CSMD1: variants seen among roughly 807,000 people sequenced by gnomAD.
The protein encoded by CSMD1 is CUB and sushi domain-containing protein 1.
In CSMD1, 213 loss-of-function variants were observed where a neutral mutation model predicts 417.5. That is an observed-to-expected ratio of 0.51 (90% CI 0.46 to 0.57). The LOEUF (loss-of-function observed/expected upper bound fraction) is 0.57, where lower values mean the gene tolerates loss of function less well. CSMD1 is among the 20% of genes least tolerant of loss of function. CSMD1 has a pLI of 0.00. For synonymous variants in CSMD1, 2,862 were observed against 1,736.8 expected (o/e 1.65, Z -16.11); for missense variants, 6,923 against 4,529.7 (o/e 1.53, Z -15.17).
chr8:3,520,445 A>G (rs7841088), intron 10 of CSMD1, among the ~76,000 whole-genome samples: 1,756 of 152,314 alleles, frequency 0.012, 31 homozygotes, highest in African/African-American at 0.04. Context: ...AAATAAAACA[A>G]TCTTAAAATA....
At chr8:3,144,775 G>C (rs888864493) in intron 40 of CSMD1, among the ~76,000 whole-genome samples, 3 of 138,370 alleles carry the variant, frequency 2.2e-5, no homozygotes, top group African/African-American at 7.9e-5. Context: ...AAGAAAAAAA[G>C]GGAGAGAAAG....
intron 5 of CSMD1, among the ~76,000 whole-genome samples, chr8:3,974,157 G>C (rs950144529): frequency 6.6e-6 from 1 of 152,044 alleles, no homozygotes; most frequent in African/African-American, 2.4e-5. Context: ...TACATGTACA[G>C]AGGCACTCGC....
At chr8:3,565,633 C>T (rs190968291) in intron 10 of CSMD1, among the ~76,000 whole-genome samples, 5 of 152,272 alleles carry the variant, frequency 3.3e-5, no homozygotes, top group Admixed American at 1.3e-4. Context: ...ACCATTGAAT[C>T]ATAAAAGAAG....
At chr8:3,247,643 A>T (rs1221731605) in intron 26 of CSMD1, among the ~76,000 whole-genome samples, 3 of 152,180 alleles carry the variant, frequency 2.0e-5, no homozygotes, top group African/African-American at 7.2e-5. Flanking sequence ...CTGGGTCAGC[A>T]GGCAAGGCCC....
At chr8:3,878,779 T>C (rs191884206) in intron 5 of CSMD1, among the ~76,000 whole-genome samples, 310 of 152,280 alleles carry the variant, frequency 2.0e-3, no homozygotes, top group African/African-American at 6.9e-3. Context: ...CCTGAGTTTG[T>C]GCAAACTTTG....
At chr8:3,828,294 A>G (rs1802170674) in intron 5 of CSMD1, among the ~76,000 whole-genome samples, 1 of 152,200 alleles carries the variant, frequency 6.6e-6, no homozygotes, top group African/African-American at 2.4e-5. Flanking sequence ...GCTTATTTTC[A>G]GTTTGGAACA....
chr8:2,937,975 G>A lies in CSMD1; in HGVS notation c.*610C>T, dbSNP rs1295234034. On this transcript the variant is annotated 3_prime_UTR_variant, in exon 70 of 70. Coordinates refer to ENST00000635120, the MANE Select transcript of CSMD1 (RefSeq NM_033225.6). Reference sequence around the variant, plus strand: ...ACATTCTGCGACAGAACAGCTGACTGGGAAATTGCAAACATCCCTAGAGAT... The same window carrying A: ...ACATTCTGCGACAGAACAGCTGACTAGGAAATTGCAAACATCCCTAGAGAT... The A allele has an allele frequency of 6.6e-6, 1 of 152,620 alleles. No individual in the cohort carries two copies. Among genetic ancestry groups the A allele is most frequent in the Non-Finnish European group, 1.5e-5 (1 of 68,058 alleles). 9.5% of individuals were successfully genotyped at this position (152,620 alleles called of 1,614,324 possible).
intron 7 of CSMD1, among the ~76,000 whole-genome samples, chr8:3,656,647 G>C (rs987421735): frequency 6.6e-6 from 1 of 152,124 alleles, no homozygotes; most frequent in Non-Finnish European, 1.5e-5. Context: ...AAGGCTTTAG[G>C]CCAGGCGTGG....
chr8:4,030,762 A>C (rs560902562), intron 4 of CSMD1, among the ~76,000 whole-genome samples: 1 of 152,166 alleles, frequency 6.6e-6, no homozygotes. Flanking sequence ...GTCAGACTGC[A>C]AAGTTCATGA....
intron 3 of CSMD1, among the ~76,000 whole-genome samples, chr8:4,315,115 C>G (rs779265011): frequency 2.6e-5 from 4 of 152,144 alleles, no homozygotes; most frequent in Non-Finnish European, 5.9e-5. Flanking sequence ...CTTCTTACAC[C>G]ATCGCAAGAG....
chr8:3,672,162 C>G (rs963416886), intron 7 of CSMD1, among the ~76,000 whole-genome samples: 1 of 152,130 alleles, frequency 6.6e-6, no homozygotes, highest in African/African-American at 2.4e-5. Flanking sequence ...AGTGTGAAAT[C>G]TCTTTATGGT....
intron 2 of CSMD1, among the ~76,000 whole-genome samples, chr8:4,534,503 G>A (rs749228177): frequency 2.0e-5 from 3 of 152,142 alleles, no homozygotes; most frequent in Non-Finnish European, 4.4e-5. Flanking sequence ...GCGGGGTACA[G>A]GTGTAGGATT....
At chr8:4,587,788 T>A (rs939187534) in intron 2 of CSMD1, among the ~76,000 whole-genome samples, 2 of 152,306 alleles carry the variant, frequency 1.3e-5, no homozygotes, top group South Asian at 2.1e-4. Flanking sequence ...TTTCACATTA[T>A]GAACTTGTGG....
intron 2 of CSMD1, among the ~76,000 whole-genome samples, chr8:4,611,322 T>A (rs1465342530): frequency 6.6e-6 from 1 of 152,192 alleles, no homozygotes; most frequent in African/African-American, 2.4e-5. Flanking sequence ...TATTCCCTCT[T>A]TGAAGACTAC....
chr8:3,250,883 A>T (rs1235171604), intron 26 of CSMD1, among the ~76,000 whole-genome samples: 1 of 151,920 alleles, frequency 6.6e-6, no homozygotes, highest in African/African-American at 2.4e-5. Flanking sequence ...GTCTGTTCAT[A>T]CCCCTCACCC....
rs763949367 is a variant in CSMD1, at chr8:3,091,497, C to G, written c.7285+19G>C. 1 of 1,570,046 alleles carries G rather than the reference C, an allele frequency of 6.4e-7. No homozygotes were observed. ...GTTTTAAAATACTTTCATATAAAAT[C>G]TAAACCTCATTTACTTACCTGCATA... is the stretch of plus-strand genomic sequence containing the variant. On this transcript the variant is annotated intron_variant, in intron 48 of 69. Transcript: ENST00000635120.
chr8:3,645,672 G>C (rs1464572008), intron 7 of CSMD1, among the ~76,000 whole-genome samples: 2 of 152,206 alleles, frequency 1.3e-5, no homozygotes, highest in African/African-American at 2.4e-5. Context: ...CTACAGCAGA[G>C]ACTACGGCAT....
intron 8 of CSMD1, among the ~76,000 whole-genome samples, chr8:3,616,480 G>A (rs1348203017): frequency 3.9e-5 from 6 of 152,002 alleles, no homozygotes; most frequent in African/African-American, 2.4e-5. Flanking sequence ...CCCACTCTCT[G>A]GTATGCCTTT....
intron 2 of CSMD1, among the ~76,000 whole-genome samples, chr8:4,579,705 G>C (rs1328194226): frequency 6.6e-6 from 1 of 151,992 alleles, no homozygotes; most frequent in South Asian, 2.1e-4. Flanking sequence ...AAATATTCTG[G>C]AAACTCCATG....
Sources: gnomAD v4.1 joint callset for allele counts (sites outside exome capture counted in the v4.1 genomes callset) on GRCh38, gnomAD v4.1.1 for gene constraint, MANE v1.5 for transcripts, NCBI Gene and HGNC (gene_info 2026-07-23, HGNC 2026-07-21) for gene names.